The following DIAPH2 variants were observed in gnomAD, a reference collection of about 807,000 sequenced individuals.
DIAPH2 encodes diaphanous related formin 2, also known as protein diaphanous homolog 2.
DIAPH2 carries 35 observed loss-of-function variants against 92.7 expected under a neutral mutation model. The observed-to-expected ratio is 0.38, with a 90% CI of 0.29 to 0.50. The LOEUF (loss-of-function observed/expected upper bound fraction) is 0.50. Among genes scored for constraint, DIAPH2 ranks in the 20% least tolerant of loss-of-function variants. The pLI, the probability that DIAPH2 is intolerant of heterozygous loss-of-function variation, is 0.94. For synonymous variants in DIAPH2, 301 were observed against 280.4 expected (o/e 1.07, Z -0.73); for missense variants, 701 against 819.5 (o/e 0.86, Z 1.77).
intron 25 of DIAPH2, among the ~76,000 whole-genome samples, chrX:97,408,327 A>G (rs776130436): frequency 9.0e-6 from 1 of 111,536 alleles, no homozygotes; most frequent in East Asian, 2.8e-4. Flanking sequence ...ACCAAAAGGC[A>G]ATACCACCCA....
chrX:97,185,510 T>C (rs1264564740), intron 22 of DIAPH2, among the ~76,000 whole-genome samples: 2 of 56,315 alleles, frequency 3.6e-5, no homozygotes, highest in Non-Finnish European at 6.1e-5. Context: ...TATATATATA[T>C]ATATATATAT....
chrX:97,026,762 GT>G (rs752667232), intron 17 of DIAPH2, among the ~76,000 whole-genome samples: 3,978 of 111,703 alleles, frequency 0.036, 86 homozygotes, highest in Middle Eastern at 0.083. Context: ...AGAAGATAGA[GT>G]TTTTTTTGTT....
chrX:96,848,370 G>C lies in DIAPH2; in HGVS notation c.448-33209G>C, dbSNP rs1057124805. ...TTAGTAATTCATGGAGAGAAAATGG[G>C]ATTGATGCTTTGCTTTCCAGACTTC... On this transcript the variant is annotated intron_variant, in intron 4 of 26. Transcript: ENST00000324765. Among the ~76,000 whole-genome samples, 47 of 111,990 alleles carry C rather than the reference G, an allele frequency of 4.2e-4. 1 individual carries two copies. Among genetic ancestry groups the C allele is most frequent in the Non-Finnish European group, 9.4e-5 (5 of 53,228 alleles).
chrX:97,341,111 G>A (rs972025567), intron 23 of DIAPH2: 8 of 105,882 alleles, frequency 7.6e-5, no homozygotes, highest in Non-Finnish European at 1.5e-4. Flanking sequence ...AGGATTGCTT[G>A]AGCCCGGGAG....
chrX:97,474,383 TC>T (rs1041090253), intron 26 of DIAPH2, among the ~76,000 whole-genome samples: 3 of 112,478 alleles, frequency 2.7e-5, no homozygotes, highest in African/African-American at 9.7e-5. Context: ...ATTTTCATTT[TC>T]TCATTCTCTG....
intron 26 of DIAPH2, among the ~76,000 whole-genome samples, chrX:97,453,096 G>A (rs1332405833): frequency 9.0e-6 from 1 of 110,706 alleles, no homozygotes; most frequent in Non-Finnish European, 1.9e-5. Context: ...CTTCTATCTT[G>A]TATTTCTATG....
chrX:96,790,696 A>C (rs1345781995), intron 4 of DIAPH2, among the ~76,000 whole-genome samples: 1 of 111,475 alleles, frequency 9.0e-6, no homozygotes, highest in Non-Finnish European at 1.9e-5. Flanking sequence ...TCAGGTTCTC[A>C]CCCAGTTAAT....
At chrX:96,846,559 T>C (rs1315118599) in intron 4 of DIAPH2, among the ~76,000 whole-genome samples, 3 of 112,345 alleles carry the variant, frequency 2.7e-5, no homozygotes, top group African/African-American at 9.7e-5. Context: ...TCCAATTCTA[T>C]TCATATTCAC....
chrX:97,161,361 G>T lies in DIAPH2; in HGVS notation c.2719+19567G>T, dbSNP rs2067371431. On this transcript the variant is annotated intron_variant, in intron 22 of 26. Transcript: ENST00000324765. ...TAGCTGGTTCCAATTAGGTAAAAAT[G>T]ATGAAACTATGTTATACTGGACTTC... Among the ~76,000 whole-genome samples, 3 of 111,066 alleles carry T rather than the reference G, an allele frequency of 2.7e-5. No homozygotes were observed. In the South Asian group the frequency reaches 1.1e-3, roughly 42 times the overall value.
chrX:97,077,028 G>C lies in DIAPH2; in HGVS notation c.2247+1767G>C, dbSNP rs558553038. ...AACCCATTTTCTTAGTTTTGCTTGTGGGAAGAAAACAGTTTAACATGTAGT... is the reference window on the plus strand; with the variant it reads ...AACCCATTTTCTTAGTTTTGCTTGTCGGAAGAAAACAGTTTAACATGTAGT... On this transcript the variant is annotated intron_variant, in intron 19 of 26. Coordinates refer to ENST00000324765, the MANE Select transcript of DIAPH2 (RefSeq NM_006729.5). Among the ~76,000 whole-genome samples, 12 of 111,521 alleles carry C rather than the reference G, an allele frequency of 1.1e-4. No homozygotes were observed. The South Asian group carries it at 3.4e-3, about 32-fold the overall frequency.
chrX:97,204,262 C>A (rs1005345145), intron 22 of DIAPH2, among the ~76,000 whole-genome samples: 1 of 111,755 alleles, frequency 8.9e-6, no homozygotes, highest in African/African-American at 3.3e-5. Flanking sequence ...AAAACCTGCA[C>A]AAGACAAGGA....
At chrX:97,228,478 T>C (rs559050851) in intron 22 of DIAPH2, among the ~76,000 whole-genome samples, 1 of 111,854 alleles carries the variant, frequency 8.9e-6, no homozygotes, top group South Asian at 3.8e-4. Flanking sequence ...AAAAAGTGTT[T>C]TGCAACTTCG....
intron 19 of DIAPH2, among the ~76,000 whole-genome samples, chrX:97,080,198 G>A (rs1194445083): frequency 9.5e-6 from 1 of 105,711 alleles, no homozygotes; most frequent in Non-Finnish European, 2.0e-5. Context: ...CTCTCTTCCT[G>A]CTACTTTCTC....
At chrX:97,565,367 C>T (rs2071319615) in intron 26 of DIAPH2, among the ~76,000 whole-genome samples, 2 of 112,210 alleles carry the variant, frequency 1.8e-5, no homozygotes, top group African/African-American at 6.5e-5. Context: ...CCACTAAATG[C>T]TAAGTAAACA....
chrX:97,392,310 A>G (rs2069667479), intron 25 of DIAPH2, among the ~76,000 whole-genome samples: 1 of 111,897 alleles, frequency 8.9e-6, no homozygotes, highest in South Asian at 3.7e-4. Context: ...ACACGATGAA[A>G]GAGTCATTTT....
At chrX:96,899,714 T>G (rs1171124729) in intron 5 of DIAPH2, among the ~76,000 whole-genome samples, 6 of 110,398 alleles carry the variant, frequency 5.4e-5, no homozygotes, top group African/African-American at 2.0e-4. Context: ...TTGAATACCC[T>G]TTATTTCCTT....
At position 96,924,738 on chromosome X, in the gene DIAPH2, C is replaced by A. The variant is rs188890778; in HGVS notation, c.979-5995C>A. Reference sequence around the variant, plus strand: ...GGAAACGTACAATTGTAGTGGGAGGCGAAGGGGAAGCAGGAGGAAGAGAGA... The same window carrying A: ...GGAAACGTACAATTGTAGTGGGAGGAGAAGGGGAAGCAGGAGGAAGAGAGA... On this transcript the variant is annotated intron_variant, in intron 9 of 26. Transcript: ENST00000324765. Among the ~76,000 whole-genome samples, 79 of 110,781 alleles carry A rather than the reference C, an allele frequency of 7.1e-4. 1 individual carries two copies. The highest frequency in any genetic ancestry group is 2.6e-3 in the African/African-American group (79 of 30,465).
chrX:96,844,630 A>G (rs2064959031), intron 4 of DIAPH2, among the ~76,000 whole-genome samples: 1 of 112,418 alleles, frequency 8.9e-6, no homozygotes, highest in Non-Finnish European at 1.9e-5. Flanking sequence ...TAAATGCTTA[A>G]TTGTTTTAAT....
At chrX:97,270,256 G>A (rs1452087513) in intron 23 of DIAPH2, among the ~76,000 whole-genome samples, 2 of 110,268 alleles carry the variant, frequency 1.8e-5, no homozygotes. Context: ...TAGAAATAGG[G>A]TTTCTCCATG....
Sources: gnomAD v4.1 joint callset for allele counts (sites outside exome capture counted in the v4.1 genomes callset) on GRCh38, gnomAD v4.1.1 for gene constraint, MANE v1.5 for transcripts, NCBI Gene and HGNC (gene_info 2026-07-23, HGNC 2026-07-21) for gene names.